SUGCT: variants seen among roughly 807,000 people sequenced by gnomAD.
SUGCT encodes the protein succinyl-CoA:glutarate CoA-transferase.
SUGCT carries 41 observed loss-of-function variants against 55.0 expected under a neutral mutation model. That is an observed-to-expected ratio of 0.74 (90% CI 0.58 to 0.97). SUGCT has a LOEUF of 0.97. Ranked by LOEUF, SUGCT falls within the 50% of genes least tolerant of loss-of-function variation. SUGCT has a pLI of 0.00. For missense variants in SUGCT, 568 were observed against 547.8 expected, an observed-to-expected ratio of 1.04 and a Z score of -0.37; for synonymous variants, 187 against 200.4, an observed-to-expected ratio of 0.93 and a Z score of 0.56.
At chr7:40,746,749 AC>A (rs1260297460) in intron 12 of SUGCT, among the ~76,000 whole-genome samples, 18 of 152,158 alleles carry the variant, frequency 1.2e-4, no homozygotes, top group African/African-American at 3.9e-4. Flanking sequence ...TTTACCAACT[AC>A]CCTTTCACGT....
intron 8 of SUGCT, among the ~76,000 whole-genome samples, chr7:40,301,538 C>T (rs1426005534): frequency 6.6e-6 from 1 of 152,226 alleles, no homozygotes; most frequent in Non-Finnish European, 1.5e-5. Flanking sequence ...CCTGGCTTTG[C>T]ACCTTTCCCT....
At chr7:40,302,751 A>G (rs1200537221) in intron 8 of SUGCT, among the ~76,000 whole-genome samples, 5 of 152,208 alleles carry the variant, frequency 3.3e-5, no homozygotes, top group African/African-American at 1.2e-4. Context: ...GATTACAGAC[A>G]TAATTATGAG....
chr7:40,932,594 G>T, the SUGCT span, among the ~76,000 whole-genome samples: 2 of 152,136 alleles, frequency 1.3e-5, no homozygotes, highest in Non-Finnish European at 2.9e-5. Flanking sequence ...CTTGCTTTAT[G>T]AATCTGGGTG....
At chr7:40,373,753 G>A (rs911843126) in intron 9 of SUGCT, among the ~76,000 whole-genome samples, 4 of 152,050 alleles carry the variant, frequency 2.6e-5, no homozygotes, top group African/African-American at 9.7e-5. Flanking sequence ...ATTTATTTTG[G>A]ACTGTACTTT....
chr7:40,317,077 A>C (rs1260557934), intron 9 of SUGCT, among the ~76,000 whole-genome samples: 1 of 150,474 alleles, frequency 6.6e-6, no homozygotes, highest in Non-Finnish European at 1.5e-5. Context: ...ACCCTTAAAC[A>C]GATCAAAGGA....
At chr7:40,335,123 G>A (rs1365967942) in intron 9 of SUGCT, among the ~76,000 whole-genome samples, 3 of 152,106 alleles carry the variant, frequency 2.0e-5, no homozygotes, top group Admixed American at 6.5e-5. Context: ...TCTCTGTTTT[G>A]GTACCAGTAC....
At chr7:40,248,884 G>GCACA (rs1315255424) in intron 7 of SUGCT, among the ~76,000 whole-genome samples, 8 of 139,834 alleles carry the variant, frequency 5.7e-5, no homozygotes, top group African/African-American at 2.1e-4. Context: ...GCGCGCGCGC[G>GCACA]CTCGCACACA....
intron 12 of SUGCT, among the ~76,000 whole-genome samples, chr7:40,547,789 C>A (rs1254469294): frequency 6.6e-6 from 1 of 151,934 alleles, no homozygotes; most frequent in Non-Finnish European, 1.5e-5. Context: ...ATTTTTCATT[C>A]ACATACATAT....
At chr7:40,205,319 T>A (rs1335083753) in intron 6 of SUGCT, among the ~76,000 whole-genome samples, 1 of 151,562 alleles carries the variant, frequency 6.6e-6, no homozygotes, top group Non-Finnish European at 1.5e-5. Flanking sequence ...GATTGGAACA[T>A]GGATGAAGTG....
the SUGCT span, among the ~76,000 whole-genome samples, chr7:40,949,998 A>T: frequency 1.3e-5 from 2 of 152,118 alleles, no homozygotes; most frequent in Non-Finnish European, 2.9e-5. Context: ...TGAAGAAAGT[A>T]ATTGGTAGCT....
intron 13 of SUGCT, among the ~76,000 whole-genome samples, chr7:40,825,078 G>C (rs763249612): frequency 1.3e-5 from 2 of 152,120 alleles, no homozygotes; most frequent in Non-Finnish European, 2.9e-5. Context: ...TAGTGTAAAG[G>C]GGGAAGAGAG....
chr7:40,275,310 G>C (rs1792391930), intron 8 of SUGCT, among the ~76,000 whole-genome samples: 1 of 152,172 alleles, frequency 6.6e-6, no homozygotes, highest in African/African-American at 2.4e-5. Context: ...CCCTTTGGTA[G>C]TCTGGTGAAG....
At chr7:41,001,439 A>C in the SUGCT span, among the ~76,000 whole-genome samples, 2 of 152,334 alleles carry the variant, frequency 1.3e-5, no homozygotes, top group East Asian at 1.9e-4. Flanking sequence ...AATAAGAAAG[A>C]GTCTACTAAG....
At chr7:41,036,720 C>T in the SUGCT span, among the ~76,000 whole-genome samples, 1 of 152,186 alleles carries the variant, frequency 6.6e-6, no homozygotes, top group Non-Finnish European at 1.5e-5. Flanking sequence ...ACCAAATCCC[C>T]GCCCAGGACA....
At chr7:40,362,356 T>C (rs1798197347) in intron 9 of SUGCT, among the ~76,000 whole-genome samples, 1 of 152,030 alleles carries the variant, frequency 6.6e-6, no homozygotes, top group African/African-American at 2.4e-5. Flanking sequence ...GAGGCAGAAG[T>C]TGCAGTGAGC....
rs1207588346 is a variant in SUGCT, at chr7:40,274,664, TC to T, written c.720+10del. ...AACCTACTGTCATCCCAGGTAACAA[TC>T]CAACTAACATTTCAGATAATGTTAT... On this transcript the variant is annotated intron_variant, in intron 8 of 13. Coordinates refer to ENST00000335693, the MANE Select transcript of SUGCT (RefSeq NM_001193313.2). The T allele has an allele frequency of 6.2e-7, 1 of 1,612,632 alleles. No individual in the cohort carries two copies. The highest frequency in any genetic ancestry group is 8.5e-7 in the Non-Finnish European group (1 of 1,178,924).
At chr7:40,765,228 T>C (rs1434475097) in intron 13 of SUGCT, among the ~76,000 whole-genome samples, 3 of 152,178 alleles carry the variant, frequency 2.0e-5, no homozygotes, top group African/African-American at 7.2e-5. Flanking sequence ...ACAACTGTCA[T>C]GTAAATACAT....
the SUGCT span, among the ~76,000 whole-genome samples, chr7:40,925,880 G>T: frequency 6.6e-6 from 1 of 152,090 alleles, no homozygotes; most frequent in Non-Finnish European, 1.5e-5. Flanking sequence ...GACTGCTTGA[G>T]TCCAGGAGTT....
intron 6 of SUGCT, among the ~76,000 whole-genome samples, chr7:40,227,540 T>A (rs1474103083): frequency 1.1e-4 from 17 of 152,120 alleles, no homozygotes; most frequent in Admixed American, 1.1e-3. Flanking sequence ...AATTTTTAAA[T>A]TTTTTTGTAG....
Sources: gnomAD v4.1 joint callset for allele counts (sites outside exome capture counted in the v4.1 genomes callset) on GRCh38, gnomAD v4.1.1 for gene constraint, MANE v1.5 for transcripts, NCBI Gene and HGNC (gene_info 2026-07-23, HGNC 2026-07-21) for gene names.